The following BSPH1 variants were observed in gnomAD, a reference collection of about 807,000 sequenced individuals.
The protein encoded by BSPH1 is binder of sperm protein homolog 1.
In BSPH1, 21 loss-of-function variants were observed where a neutral mutation model predicts 22.5. The ratio of observed to expected loss-of-function variants is 0.93; its 90% CI spans 0.66 to 1.35. The LOEUF (loss-of-function observed/expected upper bound fraction) is 1.35, where lower values mean the gene tolerates loss of function less well. BSPH1 is among the 40% of genes most tolerant of loss of function. The pLI, the probability that BSPH1 is intolerant of heterozygous loss-of-function variation, is 0.00. For synonymous variants in BSPH1, 42 were observed against 53.6 expected (o/e 0.78, Z 0.95); for missense variants, 141 against 154.2 (o/e 0.91, Z 0.45).
intron 5 of BSPH1, among the ~76,000 whole-genome samples, chr19:47,975,995 T>A (rs1188305701): frequency 6.6e-6 from 1 of 152,064 alleles, no homozygotes; most frequent in Non-Finnish European, 1.5e-5. Flanking sequence ...TTTAGAGCAG[T>A]TTTAAGTCAC....
At chr19:47,972,283 T>TC (rs1273028803) in intron 5 of BSPH1, among the ~76,000 whole-genome samples, 1 of 150,872 alleles carries the variant, frequency 6.6e-6, no homozygotes, top group Non-Finnish European at 1.5e-5. Context: ...TGATATTCTT[T>TC]TTTTTTTTTT....
At chr19:47,989,808 A>G (rs1258205407) in intron 1 of BSPH1, among the ~76,000 whole-genome samples, 2 of 152,102 alleles carry the variant, frequency 1.3e-5, no homozygotes, top group African/African-American at 4.8e-5. Flanking sequence ...GCTACTCAGT[A>G]GCTCAAAAGA....
chr19:47,980,481 T>C (rs7255056), intron 2 of BSPH1: 57,730 of 177,946 alleles, frequency 0.32, 6,755 homozygotes, highest in African/African-American at 0.55. Context: ...TTCTTTCTTT[T>C]TTTTTTTTTT....
At chr19:47,984,523 T>A (rs1969450934) in intron 1 of BSPH1, among the ~76,000 whole-genome samples, 1 of 152,132 alleles carries the variant, frequency 6.6e-6, no homozygotes, top group Non-Finnish European at 1.5e-5. Flanking sequence ...AAAATGAGTC[T>A]CATTTTTTCA....
chr19:47,980,510 C>G (rs1969409711), intron 2 of BSPH1: 1 of 241,408 alleles, frequency 4.1e-6, no homozygotes. Context: ...AGACTGTCAC[C>G]CAGGCTGGAG....
intron 3 of BSPH1, among the ~76,000 whole-genome samples, chr19:47,978,599 A>G (rs1206375990): frequency 6.6e-6 from 1 of 152,238 alleles, no homozygotes; most frequent in Non-Finnish European, 1.5e-5. Context: ...TGTATATACA[A>G]TTTTAACATT....
rs557810806 is a variant in BSPH1 at position 47,980,729 on chromosome 19, C to T, written c.94+192G>A. On this transcript the variant is annotated intron_variant, in intron 2 of 5. Coordinates refer to ENST00000344839, the MANE Select transcript of BSPH1 (RefSeq NM_001128326.2). ...TCGTGATCCCCCTGCCTCGGCCTCCCAAAGTGCTGGGACTCTTCTTCTTTT... is the reference window on the plus strand; with the variant it reads ...TCGTGATCCCCCTGCCTCGGCCTCCTAAAGTGCTGGGACTCTTCTTCTTTT... Among the ~76,000 whole-genome samples the T allele has an allele frequency of 1.3e-4, 20 of 152,102 alleles. No homozygotes were observed. The South Asian group carries it at 3.1e-3, about 24-fold the overall frequency.
At chr19:47,971,118 A>G (rs768395453) in intron 5 of BSPH1, among the ~76,000 whole-genome samples, 1 of 152,172 alleles carries the variant, frequency 6.6e-6, no homozygotes, top group Non-Finnish European at 1.5e-5. Context: ...CTAAAGCATT[A>G]TCACTGGGAC....
rs1465854476 is a variant in BSPH1 at position 47,976,767 on chromosome 19, C to T, written c.344G>A (p.Trp115Ter). 15 of 1,551,540 alleles carry T rather than the reference C, an allele frequency of 9.7e-6. No homozygotes were observed. Among genetic ancestry groups the T allele is most frequent in the Admixed American group, 2.0e-5 (1 of 50,980 alleles). The change falls in exon 5 of 6, where the codon TGG (tryptophan) becomes TAG (stop). Residue 115 changes from tryptophan (W) to a stop codon, truncating the protein, a stop_gained. Coordinates refer to ENST00000344839, the MANE Select transcript of BSPH1 (RefSeq NM_001128326.2). LOFTEE classifies it high-confidence loss of function. ...TDDGEAFGKK[W>*]CSLTKNFNKD... ...GTTAAAATTCTTGGTCAGTGAACACCATTTTTTCCCAAATGCTTCCCCATC... is the reference window on the plus strand; with the variant it reads ...GTTAAAATTCTTGGTCAGTGAACACTATTTTTTCCCAAATGCTTCCCCATC...
intron 1 of BSPH1, among the ~76,000 whole-genome samples, chr19:47,990,516 C>T (rs1969513603): frequency 6.6e-6 from 1 of 150,768 alleles, no homozygotes; most frequent in Admixed American, 6.6e-5. Flanking sequence ...TGTTATTTTT[C>T]AGTAAGTATA....
chr19:47,989,652 A>G (rs1969504617), intron 1 of BSPH1, among the ~76,000 whole-genome samples: 2 of 152,136 alleles, frequency 1.3e-5, no homozygotes, highest in African/African-American at 2.4e-5. Context: ...TATGGCCTCC[A>G]GCAAGACTTT....
At position 47,976,808 on chromosome 19, in the gene BSPH1, G is replaced by A; in HGVS notation, c.303C>T (p.Tyr101=). ...CTTCCCCATCATCAGTACACTCCCA[G>A]TAGATCAAGCGTCTGTACCAGAAGG... ...VFPFWYRRLI[Y]WECTDDGEAF... Residue 101 remains tyrosine, a synonymous_variant, in exon 5 of 6, where the codon TAC becomes TAT. Coordinates refer to ENST00000344839, the MANE Select transcript of BSPH1 (RefSeq NM_001128326.2). 1 of 1,551,648 alleles carries A rather than the reference G, an allele frequency of 6.4e-7. No homozygotes were observed. Among genetic ancestry groups the A allele is most frequent in the Non-Finnish European group, 8.7e-7 (1 of 1,146,924 alleles).
rs191577854 is a variant in BSPH1 at position 47,989,434 on chromosome 19, G to A, written c.73+2575C>T. Among the ~76,000 whole-genome samples, 896 of 151,966 alleles carry A rather than the reference G, an allele frequency of 5.9e-3. 14 individuals are homozygous for A. The highest frequency in any genetic ancestry group is 7.5e-3 in the Non-Finnish European group (512 of 67,960). On this transcript the variant is annotated intron_variant, in intron 1 of 5. Coordinates refer to ENST00000344839, the MANE Select transcript of BSPH1 (RefSeq NM_001128326.2). ...GCTGGGATTACAGGTGTGAGCCACC[G>A]CACCCAGTCTGTCACTGCTTCTAAA...
chr19:47,980,420 T>C, intron 2 of BSPH1: 1 of 525,264 alleles, frequency 1.9e-6, no homozygotes, highest in Non-Finnish European at 2.4e-6. Flanking sequence ...ATGACATGTT[T>C]AATCACCCAA....
chr19:47,991,554 C>G (rs1966873542), intron 1 of BSPH1, among the ~76,000 whole-genome samples: 1 of 58,158 alleles, frequency 1.7e-5, no homozygotes, highest in Non-Finnish European at 3.6e-5. Flanking sequence ...TCCCCTCCTC[C>G]CGGTCATCCT....
chr19:47,981,202 G>T (rs1969416579), intron 1 of BSPH1, among the ~76,000 whole-genome samples: 1 of 152,094 alleles, frequency 6.6e-6, no homozygotes, highest in South Asian at 2.1e-4. Context: ...CAAAGGAAAT[G>T]ATTTACTTTT....
intron 5 of BSPH1, among the ~76,000 whole-genome samples, chr19:47,968,515 G>A (rs1437267883): frequency 1.3e-5 from 2 of 151,360 alleles, no homozygotes; most frequent in African/African-American, 4.9e-5. Flanking sequence ...GTTCCACCAT[G>A]CCCAGCTAAT....
chr19:47,968,792 A>G lies in BSPH1; in HGVS notation c.*3-583T>C, dbSNP rs573793730. 2.6e-5 allele frequency among the ~76,000 whole-genome samples: 4 copies of G among 151,294 alleles called. No homozygotes were observed. The East Asian group carries it at 7.8e-4, about 30-fold the overall frequency. ...GGTGGGCGGATTGTCTGAGCTCAGG[A>G]GCTCATGACCAACCTGGGCAACACT... is the stretch of plus-strand genomic sequence containing the variant. On this transcript the variant is annotated intron_variant, in intron 5 of 5. Transcript: ENST00000344839.
chr19:47,986,466 T>C (rs555463097), intron 1 of BSPH1, among the ~76,000 whole-genome samples: 13 of 152,284 alleles, frequency 8.5e-5, no homozygotes, highest in African/African-American at 3.1e-4. Flanking sequence ...TGGTCAGGCA[T>C]GGTGATTTAC....
Sources: gnomAD v4.1 joint callset for allele counts (sites outside exome capture counted in the v4.1 genomes callset) on GRCh38, gnomAD v4.1.1 for gene constraint, MANE v1.5 for transcripts, NCBI Gene and HGNC (gene_info 2026-07-23, HGNC 2026-07-21) for gene names.